Variants in MYPN observed in about 807,000 individuals in gnomAD.
MYPN encodes the protein myopalladin.
A neutral mutation model predicts 129.4 loss-of-function variants in MYPN; 63 were observed. The observed-to-expected ratio is 0.49, with a 90% CI of 0.40 to 0.60. MYPN has a LOEUF of 0.60. Ranked by LOEUF, MYPN falls within the 20% of genes least tolerant of loss-of-function variation. The probability of loss-of-function intolerance (pLI) is 0.00; values close to 1 mark genes in which losing one functional copy is unlikely to be tolerated. For synonymous variants in MYPN, 629 were observed against 600.9 expected, an observed-to-expected ratio of 1.05 and a Z score of -0.68; for missense variants, 1,596 against 1,635.4, an observed-to-expected ratio of 0.98 and a Z score of 0.42.
Position 68,166,637 on chromosome 10 carries a change from GC to G in MYPN, c.1949del (p.Pro650LeufsTer43). 1.9e-6 allele frequency: 3 copies of G among 1,614,006 alleles called. No individual in the cohort carries two copies. Among genetic ancestry groups the G allele is most frequent in the Non-Finnish European group, 2.5e-6 (3 of 1,180,000 alleles). On this transcript the variant is annotated frameshift_variant, in exon 10 of 20. Coordinates refer to ENST00000358913, the MANE Select transcript of MYPN (RefSeq NM_032578.4). LOFTEE classifies it high-confidence loss of function. The part of the protein sequence containing the change: ...TPEPSSPVKE[P>X]PPVLAKPKLD... ...CAGAGCCTTCTTCCCCCGTGAAAGA[GC>G]CCCCTCCAGTTCTGGCCAAACCCAA...
chr10:68,211,729 G>T lies in MYPN; in HGVS notation c.*1274G>T, dbSNP rs1205885780. 1 of 454,052 alleles carries T rather than the reference G, an allele frequency of 2.2e-6. No individual in the cohort carries two copies. Among genetic ancestry groups the T allele is most frequent in the Admixed American group, 2.4e-5 (1 of 42,550 alleles). 28.1% of individuals were successfully genotyped at this position (454,052 alleles called of 1,614,324 possible). A position where few individuals can be genotyped will look rare whatever the true frequency, so the allele number is the denominator to read the frequency against. ...TCTTCTGTTATTATGTCTATTATAAGATAACCTAATCTTATATTCTGCAGG... is the reference window on the plus strand; with the variant it reads ...TCTTCTGTTATTATGTCTATTATAATATAACCTAATCTTATATTCTGCAGG... On this transcript the variant is annotated 3_prime_UTR_variant, in exon 20 of 20. Coordinates refer to ENST00000358913, the MANE Select transcript of MYPN (RefSeq NM_032578.4).
intron 1 of MYPN, among the ~76,000 whole-genome samples, chr10:68,089,938 C>G (rs2041923472): frequency 6.6e-6 from 1 of 152,042 alleles, no homozygotes; most frequent in Admixed American, 6.6e-5. Flanking sequence ...TTTAGGGTAT[C>G]ATTAGAGAAC....
At chr10:68,144,002 A>G (rs1211310826) in intron 3 of MYPN, among the ~76,000 whole-genome samples, 27 of 151,512 alleles carry the variant, frequency 1.8e-4, no homozygotes, top group Admixed American at 1.6e-3. Context: ...TGATCTGCCC[A>G]CCTCGGCCTC....
chr10:68,166,167 G>GAT, intron 9 of MYPN, 127 bp from the exon 10 acceptor site: 2 of 1,080,502 alleles, frequency 1.9e-6, no homozygotes, highest in Non-Finnish European at 2.8e-6. Context: ...CCCAGATGAT[G>GAT]ATCTGTTTTT....
Position 68,201,910 on chromosome 10 carries a change from AGTGCCGC to A in MYPN, c.3579_3585del (p.Cys1193Ter). The A allele has an allele frequency of 6.2e-7, 1 of 1,614,154 alleles. No homozygotes were observed. The highest frequency in any genetic ancestry group is 1.1e-5 in the South Asian group (1 of 91,080). On this transcript the variant is annotated frameshift_variant, in exon 18 of 20. Coordinates refer to ENST00000358913, the MANE Select transcript of MYPN (RefSeq NM_032578.4). LOFTEE classifies it high-confidence loss of function. ...CCCGAAGGCCACCCCGTGAGACTGGAGTGCCGCGTGATAGGCATGCCCCCACCTGTGT... is the reference window on the plus strand; with the variant it reads ...CCCGAAGGCCACCCCGTGAGACTGGAGTGATAGGCATGCCCCCACCTGTGT...
chr10:68,203,515 G>T (rs2043753884), intron 18 of MYPN, among the ~76,000 whole-genome samples: 1 of 152,020 alleles, frequency 6.6e-6, no homozygotes, highest in African/African-American at 2.4e-5. Flanking sequence ...CTTGAACTCA[G>T]GATTTGAAGG....
At position 68,130,195 on chromosome 10, in the gene MYPN, C is replaced by A. The variant is rs183902995; in HGVS notation, c.902+7855C>A. Among the ~76,000 whole-genome samples the A allele has an allele frequency of 2.7e-4, 41 of 152,228 alleles. 1 individual carries two copies. Among genetic ancestry groups the A allele is most frequent in the African/African-American group, 8.9e-4 (37 of 41,524 alleles). On this transcript the variant is annotated intron_variant, in intron 2 of 19. Coordinates refer to ENST00000358913, the MANE Select transcript of MYPN (RefSeq NM_032578.4). The stretch of plus-strand genomic sequence containing the variant: ...CCTGTATAGACTGGGTGTGGTGGCT[C>A]ACGCCTGTAATCCCAGCACTTTGGG...
chr10:68,188,870 A>G (rs1248026661), intron 12 of MYPN, 35 bp from the exon 13 acceptor site: 9 of 1,569,844 alleles, frequency 5.7e-6, no homozygotes, highest in South Asian at 1.1e-5. Context: ...CTTCCTTGCC[A>G]TATGGAAATT....
intron 12 of MYPN, among the ~76,000 whole-genome samples, chr10:68,186,434 C>G (rs1376640783): frequency 6.6e-6 from 1 of 152,196 alleles, no homozygotes; most frequent in South Asian, 2.1e-4. Flanking sequence ...CTCAGTTACT[C>G]TCCCGCTGAC....
intron 4 of MYPN, among the ~76,000 whole-genome samples, chr10:68,145,896 T>G (rs2042658386): frequency 6.6e-6 from 1 of 152,212 alleles, no homozygotes; most frequent in Non-Finnish European, 1.5e-5. Flanking sequence ...TCCTATATCA[T>G]TCTCGTGGCC....
rs1182746907 is a variant in MYPN at position 68,211,542 on chromosome 10, A to G, written c.*1087A>G. 2.2e-6 allele frequency: 1 copy of G among 454,094 alleles called. No individual in the cohort carries two copies. Among genetic ancestry groups the G allele is most frequent in the Non-Finnish European group, 4.4e-6 (1 of 226,778 alleles). 28.1% of individuals were successfully genotyped at this position (454,094 alleles called of 1,614,324 possible). A position where few individuals can be genotyped will look rare whatever the true frequency, so the allele number is the denominator to read the frequency against. ...ATGTAGAGAATATTCTGCTAGGTGG[A>G]AAAGTTGGGAGAAAGGGGAATATGC... On this transcript the variant is annotated 3_prime_UTR_variant, in exon 20 of 20. Coordinates refer to ENST00000358913, the MANE Select transcript of MYPN (RefSeq NM_032578.4).
intron 10 of MYPN, among the ~76,000 whole-genome samples, chr10:68,171,057 G>A (rs2043136159): frequency 1.3e-5 from 2 of 150,722 alleles, no homozygotes; most frequent in Admixed American, 1.3e-4. Context: ...GCTGAGGCAG[G>A]AGAATCGTTT....
chr10:68,128,449 A>T (rs1225632799), intron 2 of MYPN, among the ~76,000 whole-genome samples: 1 of 152,210 alleles, frequency 6.6e-6, no homozygotes, highest in Non-Finnish European at 1.5e-5. Flanking sequence ...TTCATATTAC[A>T]CTATTTAGAG....
rs1261774656 is a variant in MYPN, at chr10:68,210,515, C to T, written c.*60C>T. 1.9e-6 allele frequency: 3 copies of T among 1,600,530 alleles called. No individual in the cohort carries two copies. The highest frequency in any genetic ancestry group is 2.6e-6 in the Non-Finnish European group (3 of 1,172,138). On this transcript the variant is annotated 3_prime_UTR_variant, in exon 20 of 20. Transcript: ENST00000358913. ...CTGTGGAGGGGGAATGAGAACAAGC[C>T]AGACTTGGTGGTTTCCAAGCAACCG... is the stretch of plus-strand genomic sequence containing the variant.
In MYPN at chr10:68,197,271, G is replaced by A. The variant is rs1589609735; in HGVS notation, c.3159-81G>A. On this transcript the variant is annotated intron_variant, in intron 15 of 19. Transcript: ENST00000358913. ...AAAAAAAAATCTGTTCTCTAGGTCT[G>A]TAGCCATGCCTAAATGCCTATTATC... is the stretch of plus-strand genomic sequence containing the variant. 4.6e-6 allele frequency: 7 copies of A among 1,538,154 alleles called. No homozygotes were observed. The South Asian group carries it at 5.6e-5, about 12-fold the overall frequency.
In MYPN at chr10:68,182,465, C is replaced by CATATATAT. The variant is rs372702266; in HGVS notation, c.2704-6433_2704-6432insTATATATA. ...ACATATATATAACATATATATATAA[C>CATATATAT]ATATATACACACACACACACACACA... On this transcript the variant is annotated intron_variant, in intron 12 of 19. Coordinates refer to ENST00000358913, the MANE Select transcript of MYPN (RefSeq NM_032578.4). Among the ~76,000 whole-genome samples the CATATATAT allele has an allele frequency of 2.5e-4, 22 of 89,390 alleles. 3 individuals carry two copies. The highest frequency in any genetic ancestry group is 5.0e-4 in the Admixed American group (4 of 8,062). 58.6% of individuals were successfully genotyped at this position (89,390 alleles called of 152,430 possible).
At chr10:68,189,612 A>C (rs2043479300) in intron 13 of MYPN, among the ~76,000 whole-genome samples, 1 of 152,214 alleles carries the variant, frequency 6.6e-6, no homozygotes, top group African/African-American at 2.4e-5. Flanking sequence ...CAGAACATGC[A>C]ATACATGCCT....
At chr10:68,185,425 G>T (rs1289248642) in intron 12 of MYPN, among the ~76,000 whole-genome samples, 1 of 152,036 alleles carries the variant, frequency 6.6e-6, no homozygotes, top group Admixed American at 6.6e-5. Context: ...CCTAGTGGGG[G>T]CCTCCAGGGT....
intron 19 of MYPN, 56 bp from the exon 20 acceptor site, chr10:68,210,230 G>C: frequency 6.3e-7 from 1 of 1,591,654 alleles, no homozygotes; most frequent in Non-Finnish European, 8.6e-7. Context: ...CCTCTGCAGC[G>C]TACATGCTGG....
Sources: allele counts gnomAD v4.1 joint callset (sites outside exome capture counted in the v4.1 genomes callset), GRCh38; gene constraint gnomAD v4.1.1; transcripts MANE v1.5; gene names NCBI Gene and HGNC (gene_info 2026-07-23, HGNC 2026-07-21).